Variants in RBFOX1 observed in about 807,000 individuals in gnomAD.
The protein encoded by RBFOX1 is RNA binding protein fox-1 homolog 1.
In RBFOX1, 8 loss-of-function variants were observed where a neutral mutation model predicts 57.7. The observed-to-expected ratio is 0.14, with a 90% CI of 0.08 to 0.25. The LOEUF is 0.25. RBFOX1 is among the 10% of genes least tolerant of loss of function. The pLI, the probability that RBFOX1 is intolerant of heterozygous loss-of-function variation, is 1.00. For missense variants in RBFOX1, 611 were observed against 548.5 expected (o/e 1.11, Z -1.14); for synonymous variants, 326 against 222.4 (o/e 1.47, Z -4.15).
intron 4 of RBFOX1, among the ~76,000 whole-genome samples, chr16:7,130,425 A>C (rs2069964197): frequency 6.6e-6 from 1 of 152,138 alleles, no homozygotes; most frequent in Non-Finnish European, 1.5e-5. Flanking sequence ...ACATTATTAC[A>C]CTTAACACTT....
intron 1 of RBFOX1, among the ~76,000 whole-genome samples, chr16:6,024,132 G>A (rs543641656): frequency 6.6e-5 from 10 of 152,318 alleles, no homozygotes; most frequent in African/African-American, 2.4e-4. Context: ...GCTAGTCAAA[G>A]AGACATGGGT....
chr16:6,460,287 C>CATA (rs1048756438), intron 2 of RBFOX1, among the ~76,000 whole-genome samples: 1 of 151,978 alleles, frequency 6.6e-6, no homozygotes, highest in African/African-American at 2.4e-5. Context: ...CTAATCTCTT[C>CATA]TTATAAGAAC....
intron 3 of RBFOX1, among the ~76,000 whole-genome samples, chr16:6,662,435 G>T (rs944695921): frequency 1.3e-5 from 2 of 152,036 alleles, no homozygotes; most frequent in Non-Finnish European, 2.9e-5. Flanking sequence ...TACAGTTAGG[G>T]AGAAAAAGAG....
chr16:5,596,688 T>C (rs928047420), intron 2 of RBFOX1, among the ~76,000 whole-genome samples: 2 of 152,216 alleles, frequency 1.3e-5, no homozygotes, highest in Non-Finnish European at 2.9e-5. Flanking sequence ...GTGCAGTTTT[T>C]TCTTGGTCCA....
intron 4 of RBFOX1, among the ~76,000 whole-genome samples, chr16:7,187,428 G>A (rs144507096): frequency 5.3e-5 from 8 of 151,884 alleles, no homozygotes; most frequent in African/African-American, 1.2e-4. Context: ...GGTGGCTCAC[G>A]CCTGTAATCC....
chr16:5,679,380 G>C (rs982385274), intron 3 of RBFOX1, among the ~76,000 whole-genome samples: 1 of 151,530 alleles, frequency 6.6e-6, no homozygotes, highest in African/African-American at 2.4e-5. Flanking sequence ...TACAAGTACA[G>C]AATGTACAGG....
intron 3 of RBFOX1, among the ~76,000 whole-genome samples, chr16:6,852,990 G>A (rs1186392924): frequency 1.2e-4 from 19 of 152,172 alleles, no homozygotes; most frequent in Non-Finnish European, 1.5e-5. Flanking sequence ...AGCACCCTAT[G>A]GATGGACAAT....
At chr16:5,270,510 T>C (rs1416500143) in intron 1 of RBFOX1, 2 of 662,752 alleles carry the variant, frequency 3.0e-6, no homozygotes, top group Non-Finnish European at 5.6e-6. Context: ...ATATGTTCCA[T>C]GGTTGAAAAA....
chr16:7,027,356 A>T (rs993359582), intron 3 of RBFOX1, among the ~76,000 whole-genome samples: 1 of 152,206 alleles, frequency 6.6e-6, no homozygotes, highest in African/African-American at 2.4e-5. Context: ...GGAACTGCTT[A>T]AAGTATTTTT....
intron 13 of RBFOX1, among the ~76,000 whole-genome samples, chr16:7,675,369 T>C (rs1461810224): frequency 6.6e-6 from 1 of 152,012 alleles, no homozygotes; most frequent in East Asian, 1.9e-4. Flanking sequence ...TAAGACCTCT[T>C]TTTGTTGTGG....
chr16:6,923,649 C>G (rs976776252), intron 3 of RBFOX1, among the ~76,000 whole-genome samples: 5 of 152,168 alleles, frequency 3.3e-5, no homozygotes, highest in South Asian at 2.1e-4. Context: ...ATGGAAGATG[C>G]ATCAGATATA....
intron 3 of RBFOX1, among the ~76,000 whole-genome samples, chr16:6,895,470 A>G (rs893871927): frequency 6.7e-5 from 8 of 120,060 alleles, no homozygotes; most frequent in Non-Finnish European, 8.4e-5. Flanking sequence ...ATATATATAT[A>G]TATATATATA....
At chr16:7,113,529 A>G (rs1305691585) in intron 4 of RBFOX1, among the ~76,000 whole-genome samples, 1 of 152,104 alleles carries the variant, frequency 6.6e-6, no homozygotes, top group East Asian at 1.9e-4. Context: ...ACTTAGATGT[A>G]TTGTAACAGG....
intron 3 of RBFOX1, among the ~76,000 whole-genome samples, chr16:5,781,552 A>G (rs981219827): frequency 1.3e-5 from 2 of 152,246 alleles, no homozygotes; most frequent in Non-Finnish European, 2.9e-5. Flanking sequence ...AGATCCAAGC[A>G]GTAAATATTT....
chr16:7,093,122 C>A (rs571012771), intron 4 of RBFOX1, among the ~76,000 whole-genome samples: 1 of 152,164 alleles, frequency 6.6e-6, no homozygotes, highest in African/African-American at 2.4e-5. Flanking sequence ...AAGATGACTT[C>A]TTTTACCCCA....
intron 3 of RBFOX1, among the ~76,000 whole-genome samples, chr16:6,700,824 A>C (rs2061706879): frequency 6.6e-6 from 1 of 151,792 alleles, no homozygotes; most frequent in South Asian, 2.1e-4. Context: ...GGTTCATGAC[A>C]TATAGAATTT....
At chr16:6,649,369 T>G (rs12917817) in intron 2 of RBFOX1, among the ~76,000 whole-genome samples, 41,897 of 152,002 alleles carry the variant, frequency 0.28, 6,157 homozygotes, top group African/African-American at 0.37. Context: ...TTTTTGCTTT[T>G]TGTTTTATTT....
At chr16:6,283,955 A>T (rs568453031) in intron 1 of RBFOX1, among the ~76,000 whole-genome samples, 53 of 152,358 alleles carry the variant, frequency 3.5e-4, no homozygotes, top group African/African-American at 1.3e-3. Context: ...TTCCAAGTAC[A>T]GGAGTGCAAT....
intron 1 of RBFOX1, among the ~76,000 whole-genome samples, chr16:6,173,604 C>CTTT (rs35528338): frequency 0.061 from 4,326 of 70,856 alleles, 237 homozygotes; most frequent in Middle Eastern, 0.08. Flanking sequence ...TGACCACTCC[C>CTTT]TTTTTTTTTT....
Sources: allele counts gnomAD v4.1 joint callset (sites outside exome capture counted in the v4.1 genomes callset), GRCh38; gene constraint gnomAD v4.1.1; transcripts MANE v1.5; gene names NCBI Gene and HGNC (gene_info 2026-07-23, HGNC 2026-07-21).